Variants in SDHB observed in about 807,000 individuals in gnomAD.
SDHB encodes succinate dehydrogenase [ubiquinone] iron-sulfur subunit, mitochondrial.
Under a neutral mutation model 39.7 loss-of-function variants are expected in SDHB, and 21 were observed. That is an observed-to-expected ratio of 0.53 (90% CI 0.37 to 0.76). The LOEUF is 0.76. SDHB is among the 30% of genes least tolerant of loss of function. The pLI, the probability that SDHB is intolerant of heterozygous loss-of-function variation, is 0.00. For missense variants in SDHB, 343 were observed against 350.9 expected, an observed-to-expected ratio of 0.98 and a Z score of 0.18; for synonymous variants, 118 against 117.0, an observed-to-expected ratio of 1.01 and a Z score of -0.06.
In SDHB at chr1:17,024,033, G is replaced by C. The variant is rs775450654; in HGVS notation, c.582C>G (p.Thr194=). 1 of 1,613,972 alleles carries C rather than the reference G, an allele frequency of 6.2e-7. No individual in the cohort carries two copies. The highest frequency in any genetic ancestry group is 8.5e-7 in the Non-Finnish European group (1 of 1,180,000). The change falls in exon 6 of 8, where the codon ACC becomes ACG. Residue 194 remains threonine, a synonymous_variant. Transcript: ENST00000375499. Reference sequence around the variant, plus strand: ...CGTTCCACCAGTAGCTGGGGCAGCTGGTGCTACAGCAGGCACAGAGAATGC... The same window carrying C: ...CGTTCCACCAGTAGCTGGGGCAGCTCGTGCTACAGCAGGCACAGAGAATGC... The part of the protein sequence containing the change: ...YECILCACCS[T]SCPSYWWNGD...
At chr1:17,036,184 A>G (rs1030556974) in intron 2 of SDHB, among the ~76,000 whole-genome samples, 3 of 152,188 alleles carry the variant, frequency 2.0e-5, no homozygotes, top group Admixed American at 1.3e-4. Context: ...ATCAATTTGG[A>G]GACCACTGCC....
intron 7 of SDHB, among the ~76,000 whole-genome samples, chr1:17,020,070 A>C (rs1034095940): frequency 3.9e-5 from 6 of 152,234 alleles, no homozygotes; most frequent in Non-Finnish European, 2.9e-5. Context: ...ATTTGTGTGC[A>C]GCATAAAACA....
intron 1 of SDHB, among the ~76,000 whole-genome samples, chr1:17,051,537 G>C (rs2078147048): frequency 6.6e-6 from 1 of 152,166 alleles, no homozygotes; most frequent in Non-Finnish European, 1.5e-5. Flanking sequence ...TAAAATACAA[G>C]GTGCAGGCTT....
At chr1:17,031,120 G>A (rs2746467) in intron 3 of SDHB, among the ~76,000 whole-genome samples, 15,613 of 151,920 alleles carry the variant, frequency 0.1, 914 homozygotes, top group African/African-American at 0.16. Flanking sequence ...AGAAAAGACA[G>A]TAAGACTCTC....
At position 17,024,070 on chromosome 1, in the gene SDHB, C is replaced by G. The variant is rs1570945931; in HGVS notation, c.545G>C (p.Gly182Ala). 9 of 1,612,076 alleles carry G rather than the reference C, an allele frequency of 5.6e-6. No individual in the cohort carries two copies. The highest frequency in any genetic ancestry group is 7.6e-6 in the Non-Finnish European group (9 of 1,179,048). ...QSIEEREKLDGLYECILCACC... is the reference protein window; with the variant it reads ...QSIEEREKLDALYECILCACC... ...GGCACAGAGAATGCACTCGTAGAGC[C>G]CGTCCTGTATGGGGAGAAAAGAGAG... is the stretch of plus-strand genomic sequence containing the variant. The change falls in exon 6 of 8, where the codon GGG (glycine) becomes GCG (alanine). Residue 182 changes from glycine (G) to alanine (A), a missense_variant. Transcript: ENST00000375499.
At chr1:17,051,755 G>A (rs2078149321) in intron 1 of SDHB, among the ~76,000 whole-genome samples, 1 of 152,024 alleles carries the variant, frequency 6.6e-6, no homozygotes, top group African/African-American at 2.4e-5. Context: ...TACAAGATTG[G>A]CAACCTTATC....
At chr1:17,030,491 G>A (rs891954913) in intron 3 of SDHB, among the ~76,000 whole-genome samples, 2 of 152,136 alleles carry the variant, frequency 1.3e-5, no homozygotes, top group Non-Finnish European at 2.9e-5. Context: ...AACAAAAAAC[G>A]TGCTGACCCA....
At chr1:17,047,966 A>AC (rs2078123313) in intron 1 of SDHB, among the ~76,000 whole-genome samples, 1 of 152,106 alleles carries the variant, frequency 6.6e-6, no homozygotes, top group African/African-American at 2.4e-5. Flanking sequence ...GGCATGAGCC[A>AC]CCATGCCAGG....
intron 7 of SDHB, among the ~76,000 whole-genome samples, chr1:17,019,646 C>T (rs1213368374): frequency 9.9e-5 from 15 of 151,930 alleles, no homozygotes; most frequent in African/African-American, 3.6e-4. Context: ...AGGTTCCCCT[C>T]ATTTTAGAAG....
chr1:17,048,710 T>G (rs1327855615), intron 1 of SDHB, among the ~76,000 whole-genome samples: 1 of 151,918 alleles, frequency 6.6e-6, no homozygotes, highest in Non-Finnish European at 1.5e-5. Flanking sequence ...TTAAAATATT[T>G]ATTTATTTAT....
At chr1:17,024,162 G>A (rs1443059406) in intron 5 of SDHB, 88 bp from the exon 6 acceptor site, 1 of 920,446 alleles carries the variant, frequency 1.1e-6, no homozygotes, top group African/African-American at 1.6e-5. Context: ...TTTGGGGTCA[G>A]TGCATGAACA....
chr1:17,021,737 G>A (rs908110044), intron 7 of SDHB, among the ~76,000 whole-genome samples: 1 of 151,252 alleles, frequency 6.6e-6, no homozygotes, highest in Non-Finnish European at 1.5e-5. Context: ...CAACAAGAGC[G>A]AAACTCTGTC....
intron 6 of SDHB, 74 bp downstream of exon 6, chr1:17,023,899 G>C (rs1557739891): frequency 8.8e-7 from 1 of 1,140,796 alleles, no homozygotes; most frequent in East Asian, 2.3e-5. Flanking sequence ...CTGGCTTACA[G>C]CAATCTATTG....
Position 17,024,017 on chromosome 1 carries a change from A to G in SDHB, c.598T>C (p.Trp200Arg), listed in dbSNP as rs1557739966. 1 of 1,614,092 alleles carries G rather than the reference A, an allele frequency of 6.2e-7. No homozygotes were observed. Among genetic ancestry groups the G allele is most frequent in the South Asian group, 1.1e-5 (1 of 91,084 alleles). The stretch of plus-strand genomic sequence containing the variant: ...CCCAGATATTTGTCTCCGTTCCACC[A>G]GTAGCTGGGGCAGCTGGTGCTACAG... ...ACCSTSCPSY[W>R]WNGDKYLGPA... is the part of the protein sequence containing the mutation. The change falls in exon 6 of 8, where the codon TGG becomes CGG. Residue 200 changes from tryptophan (W) to arginine (R), a missense_variant. Physicochemically the swap from Trp to Arg is moderately radical, Grantham distance 101. Coordinates refer to ENST00000375499, the MANE Select transcript of SDHB (RefSeq NM_003000.3).
chr1:17,028,502 A>T (rs1338525564), intron 4 of SDHB, 98 bp downstream of exon 4: 3 of 1,307,950 alleles, frequency 2.3e-6, no homozygotes, highest in Non-Finnish European at 3.3e-6. Flanking sequence ...AGCCTTAAAT[A>T]CTCAAACAAA....
chr1:17,027,674 C>T, intron 5 of SDHB, 75 bp downstream of exon 5: 1 of 946,864 alleles, frequency 1.1e-6, no homozygotes, highest in South Asian at 1.3e-5. Flanking sequence ...CTTATGTTCC[C>T]TGCCAAGCCA....
At chr1:17,034,572 G>T (rs1399984984) in intron 2 of SDHB, among the ~76,000 whole-genome samples, 1 of 150,638 alleles carries the variant, frequency 6.6e-6, no homozygotes, top group African/African-American at 2.4e-5. Flanking sequence ...GTAGAGATAG[G>T]TTTTCCCATG....
intron 3 of SDHB, among the ~76,000 whole-genome samples, chr1:17,029,666 C>T (rs1168675364): frequency 6.6e-6 from 1 of 152,196 alleles, no homozygotes; most frequent in Non-Finnish European, 1.5e-5. Flanking sequence ...AGTAAATCAA[C>T]ATTGTCTTGG....
At chr1:17,053,622 G>A (rs2078160640) in intron 1 of SDHB, among the ~76,000 whole-genome samples, 1 of 151,912 alleles carries the variant, frequency 6.6e-6, no homozygotes, top group Non-Finnish European at 1.5e-5. Flanking sequence ...GAACTCCAAT[G>A]TCTGGATTCA....
Sources: allele counts gnomAD v4.1 joint callset (sites outside exome capture counted in the v4.1 genomes callset), GRCh38; gene constraint gnomAD v4.1.1; transcripts MANE v1.5; gene names NCBI Gene and HGNC (gene_info 2026-07-23, HGNC 2026-07-21).